CNNM2: variants seen among roughly 807,000 people sequenced by gnomAD.
CNNM2 encodes cyclin and CBS domain divalent metal cation transport mediator 2.
In CNNM2, 12 loss-of-function variants were observed where a neutral mutation model predicts 66.9. The observed-to-expected ratio is 0.18, with a 90% CI of 0.11 to 0.29. The LOEUF is 0.29. Among genes scored for constraint, CNNM2 ranks in the 10% least tolerant of loss-of-function variants. The pLI, the probability that CNNM2 is intolerant of heterozygous loss-of-function variation, is 1.00. For synonymous variants in CNNM2, 557 were observed against 501.8 expected, an observed-to-expected ratio of 1.11 and a Z score of -1.47; for missense variants, 705 against 1,167.7, an observed-to-expected ratio of 0.60 and a Z score of 5.77.
intron 1 of CNNM2, among the ~76,000 whole-genome samples, chr10:102,935,105 G>A (rs1177706441): frequency 6.8e-6 from 1 of 147,360 alleles, no homozygotes; most frequent in African/African-American, 2.5e-5. Flanking sequence ...GTTGCAGTGA[G>A]CCGAGACCGC....
rs1248134006 is a variant in CNNM2, at chr10:103,078,140, T to G, written c.*960T>G. ...AATGGAAATCTTCCACAGGGCTTTT[T>G]CAGTAAACACGTGATGTGGAGTGCA... On this transcript the variant is annotated 3_prime_UTR_variant, in exon 8 of 8. Transcript: ENST00000369878. 6.6e-6 allele frequency: 1 copy of G among 152,296 alleles called. No homozygotes were observed. The highest frequency in any genetic ancestry group is 2.4e-5 in the African/African-American group (1 of 41,440). The allele number at this position is 152,296 out of a possible 1,614,324, so 9.4% of individuals were successfully genotyped here.
chr10:102,933,103 T>C (rs1289997600), intron 1 of CNNM2, among the ~76,000 whole-genome samples: 1 of 152,198 alleles, frequency 6.6e-6, no homozygotes, highest in Non-Finnish European at 1.5e-5. Context: ...AAGATTGTTT[T>C]GGCTGTCAGG....
At chr10:103,038,223 ATT>A (rs1160567171) in intron 1 of CNNM2, among the ~76,000 whole-genome samples, 5 of 152,176 alleles carry the variant, frequency 3.3e-5, no homozygotes, top group African/African-American at 1.2e-4. Flanking sequence ...CCAAATCTCC[ATT>A]GATAAAACTG....
intron 1 of CNNM2, among the ~76,000 whole-genome samples, chr10:102,926,549 T>C (rs1239304017): frequency 6.6e-6 from 1 of 151,978 alleles, no homozygotes; most frequent in Non-Finnish European, 1.5e-5. Context: ...TGCTTTTACT[T>C]ATTTATTTTC....
At chr10:103,050,395 G>C (rs573365641) in intron 2 of CNNM2, among the ~76,000 whole-genome samples, 1 of 152,240 alleles carries the variant, frequency 6.6e-6, no homozygotes, top group Non-Finnish European at 1.5e-5. Flanking sequence ...GCTGGGCGTA[G>C]TGGTAGTGGT....
At chr10:103,067,631 C>G (rs1228188436) in intron 4 of CNNM2, among the ~76,000 whole-genome samples, 1 of 152,116 alleles carries the variant, frequency 6.6e-6, no homozygotes, top group Non-Finnish European at 1.5e-5. Context: ...AGAAGTGAAA[C>G]TGACTTAGAG....
intron 1 of CNNM2, among the ~76,000 whole-genome samples, chr10:102,935,316 A>G (rs111424322): frequency 6.6e-6 from 1 of 151,684 alleles, no homozygotes; most frequent in African/African-American, 2.4e-5. Flanking sequence ...ATAAAAAGAA[A>G]ATGGGTGTGG....
chr10:103,053,816 G>A (rs921308174), intron 2 of CNNM2, among the ~76,000 whole-genome samples: 2 of 152,176 alleles, frequency 1.3e-5, no homozygotes, highest in Non-Finnish European at 2.9e-5. Flanking sequence ...ACTGCTCTGC[G>A]AAAGCATTCA....
At chr10:103,069,043 T>A (rs1159003111) in intron 5 of CNNM2, among the ~76,000 whole-genome samples, 1 of 152,212 alleles carries the variant, frequency 6.6e-6, no homozygotes, top group Non-Finnish European at 1.5e-5. Flanking sequence ...AGCCTAATTC[T>A]GCCTGCTTTT....
At chr10:103,063,773 G>T (rs757971620) in intron 4 of CNNM2, among the ~76,000 whole-genome samples, 1 of 152,074 alleles carries the variant, frequency 6.6e-6, no homozygotes, top group Non-Finnish European at 1.5e-5. Context: ...TCCTGTCCTG[G>T]TTTTTTTGGT....
At chr10:103,067,138 G>T (rs1391536263) in intron 4 of CNNM2, among the ~76,000 whole-genome samples, 1 of 150,816 alleles carries the variant, frequency 6.6e-6, no homozygotes, top group Non-Finnish European at 1.5e-5. Context: ...TCATTCTGTG[G>T]CCTGGGCTGG....
intron 1 of CNNM2, among the ~76,000 whole-genome samples, chr10:102,998,252 CT>C (rs2064041551): frequency 6.6e-6 from 1 of 152,184 alleles, no homozygotes; most frequent in Non-Finnish European, 1.5e-5. Context: ...GCAGTTTTAC[CT>C]GTATCTACAG....
At chr10:102,954,368 T>C (rs1432092753) in intron 1 of CNNM2, among the ~76,000 whole-genome samples, 3 of 151,186 alleles carry the variant, frequency 2.0e-5, no homozygotes, top group Non-Finnish European at 4.4e-5. Context: ...ATTCTCCCAC[T>C]TTGGTCTCCC....
Position 103,077,826 on chromosome 10 carries a change from GAATTTAATGTTTAA to G in CNNM2, c.*647_*660del, listed in dbSNP as rs2065715935. Reference sequence around the variant, plus strand: ...CTCTCTGAGCTCAGTGGTATTTTGAGAATTTAATGTTTAACTGTACCCCTTTCCCTCAGGAAGAT... The same window carrying G: ...CTCTCTGAGCTCAGTGGTATTTTGAGCTGTACCCCTTTCCCTCAGGAAGAT... On this transcript the variant is annotated 3_prime_UTR_variant, in exon 8 of 8. Transcript: ENST00000369878. 1 of 152,666 alleles carries G rather than the reference GAATTTAATGTTTAA, an allele frequency of 6.6e-6. No individual in the cohort carries two copies. Among genetic ancestry groups the G allele is most frequent in the African/African-American group, 2.4e-5 (1 of 41,444 alleles). 9.5% of individuals were successfully genotyped at this position (152,666 alleles called of 1,614,324 possible). A position where few individuals can be genotyped will look rare whatever the true frequency, so the allele number is the denominator to read the frequency against.
chr10:102,970,194 T>C (rs545327457), intron 1 of CNNM2, among the ~76,000 whole-genome samples: 4 of 152,364 alleles, frequency 2.6e-5, no homozygotes, highest in African/African-American at 7.2e-5. Context: ...TGCATACTTA[T>C]GGTCCCAGCT....
intron 1 of CNNM2, among the ~76,000 whole-genome samples, chr10:102,953,406 G>A (rs1410701886): frequency 1.3e-5 from 2 of 151,840 alleles, no homozygotes; most frequent in Non-Finnish European, 2.9e-5. Context: ...ACAGGTGCCC[G>A]CCACTACACC....
intron 1 of CNNM2, among the ~76,000 whole-genome samples, chr10:102,954,127 T>TTTTC (rs1491231364): frequency 2.4e-5 from 1 of 42,512 alleles, no homozygotes; most frequent in African/African-American, 1.2e-4. Flanking sequence ...TTTTCTTTTC[T>TTTTC]TTTTTTTTTT....
At chr10:102,975,469 G>GAAAAAAAAAAAA (rs57482469) in intron 1 of CNNM2, among the ~76,000 whole-genome samples, 3 of 119,280 alleles carry the variant, frequency 2.5e-5, no homozygotes, top group African/African-American at 3.2e-5. Flanking sequence ...GATGGAATTA[G>GAAAAAAAAAAAA]AAAAAAAAAA....
intron 1 of CNNM2, among the ~76,000 whole-genome samples, chr10:102,932,916 CAA>C (rs71019636): frequency 4.8e-4 from 34 of 70,658 alleles, no homozygotes; most frequent in East Asian, 8.3e-4. Context: ...GACTCTGTCT[CAA>C]AAAAAAAAAA....
Sources: gnomAD v4.1 joint callset for allele counts (sites outside exome capture counted in the v4.1 genomes callset) on GRCh38, gnomAD v4.1.1 for gene constraint, MANE v1.5 for transcripts, NCBI Gene and HGNC (gene_info 2026-07-23, HGNC 2026-07-21) for gene names.